Variants in C21orf58 observed in about 807,000 individuals in gnomAD.
C21orf58 encodes the protein chromosome 21 open reading frame 58, also known as uncharacterized protein C21orf58.
C21orf58 carries 34 observed loss-of-function variants against 35.8 expected under a neutral mutation model. The observed-to-expected ratio is 0.95, with a 90% CI of 0.72 to 1.26. The LOEUF is 1.26. Among genes scored for constraint, C21orf58 ranks in the 50% most tolerant of loss-of-function variants. C21orf58 has a pLI of 0.00. For missense variants in C21orf58, 440 were observed against 414.3 expected, an observed-to-expected ratio of 1.06 and a Z score of -0.54; for synonymous variants, 191 against 175.8, an observed-to-expected ratio of 1.09 and a Z score of -0.68.
At chr21:46,318,457 C>T in intron 1 of C21orf58, 2 of 1,405,434 alleles carry the variant, frequency 1.4e-6, no homozygotes, top group Non-Finnish European at 1.8e-6. Flanking sequence ...GGCAGAGGGG[C>T]AGAACCCTCA....
At chr21:46,300,807 G>T, downstream of C21orf58, 1 of 1,285,912 alleles carries the variant, frequency 7.8e-7, no homozygotes, top group Non-Finnish European at 1.0e-6. Context: ...AATAGGGGGT[G>T]AATGAAAGTT....
chr21:46,318,546 G>C (rs1269675634), intron 1 of C21orf58: 6 of 1,241,474 alleles, frequency 4.8e-6, no homozygotes, highest in East Asian at 4.2e-5. Context: ...GTGTGTCAGG[G>C]GAGGGCGCCC....
chr21:46,303,024 C>T (rs764152473), intron 6 of C21orf58, among the ~76,000 whole-genome samples: 22 of 152,062 alleles, frequency 1.4e-4, no homozygotes, highest in Non-Finnish European at 2.8e-4. Context: ...ATTAGCCAGG[C>T]GTGGTGGTTC....
rs1384152614 is a variant in C21orf58, at chr21:46,323,427, A to C, written c.-689T>G. ...TTTTGAGACCTAAGACATCAGTGAG[A>C]CACACGAGCAGACACGGGCTCGGTC... On this transcript the variant is annotated 5_prime_UTR_variant, in exon 1 of 8. Coordinates refer to ENST00000291691, the MANE Select transcript of C21orf58 (RefSeq NM_058180.5). 6.6e-6 allele frequency: 1 copy of C among 152,110 alleles called. No homozygotes were observed. The allele number at this position is 152,110 out of a possible 1,614,324, so 9.4% of individuals were successfully genotyped here. A position where few individuals can be genotyped will look rare whatever the true frequency, so the allele number is the denominator to read the frequency against.
At chr21:46,310,804 T>A (rs73373833) in intron 6 of C21orf58, among the ~76,000 whole-genome samples, 3,046 of 149,964 alleles carry the variant, frequency 0.02, 112 homozygotes, top group African/African-American at 0.07. Context: ...AGTAAGACAC[T>A]CTCTCTCTCT....
chr21:46,315,141 T>A, intron 4 of C21orf58: 4 of 917,400 alleles, frequency 4.4e-6, no homozygotes, highest in Non-Finnish European at 6.4e-6. Context: ...GTTCCAGGCC[T>A]ACTTTTTTCT....
Position 46,301,979 on chromosome 21 carries a change from A to G in C21orf58, c.*20T>C. ...CCTGGGGGTGGAGGGTGCCCCGGCC[A>G]GGGTCTCTGTGACTCACACTCAGGG... On this transcript the variant is annotated 3_prime_UTR_variant, in exon 8 of 8. Transcript: ENST00000291691. The G allele has an allele frequency of 6.6e-7, 1 of 1,503,814 alleles. No homozygotes were observed. The allele number at this position is 1,503,814 out of a possible 1,614,324, so 93.2% of individuals were successfully genotyped here.
rs145633601 is a variant in C21orf58 at position 46,308,194 on chromosome 21, G to A, written c.721+3262C>T. On this transcript the variant is annotated intron_variant, in intron 6 of 7. Coordinates refer to ENST00000291691, the MANE Select transcript of C21orf58 (RefSeq NM_058180.5). Reference sequence around the variant, plus strand: ...TAAGAAACTGCTGCCCAGGCGCGGTGGCTCACGCCCATAATCCCAGCACTT... The same window carrying A: ...TAAGAAACTGCTGCCCAGGCGCGGTAGCTCACGCCCATAATCCCAGCACTT... 9.6e-4 allele frequency among the ~76,000 whole-genome samples: 146 copies of A among 152,226 alleles called. 4 individuals are homozygous for A. In the East Asian group the frequency reaches 0.024, roughly 25 times the overall value.
At chr21:46,313,613 C>G (rs896114367) in intron 5 of C21orf58, among the ~76,000 whole-genome samples, 2 of 152,188 alleles carry the variant, frequency 1.3e-5, no homozygotes, top group African/African-American at 4.8e-5. Flanking sequence ...GGGGGGTCCA[C>G]AGCAATGACC....
chr21:46,316,483 G>A (rs927877125), intron 3 of C21orf58, among the ~76,000 whole-genome samples: 14 of 152,280 alleles, frequency 9.2e-5, no homozygotes, highest in Admixed American at 3.3e-4. Flanking sequence ...TACATTCCTT[G>A]GGGGAGGGTC....
chr21:46,308,353 C>T (rs1169160267), intron 6 of C21orf58, among the ~76,000 whole-genome samples: 1 of 151,588 alleles, frequency 6.6e-6, no homozygotes, highest in South Asian at 2.1e-4. Flanking sequence ...CCCAGCTGCT[C>T]GGGAGGCTGA....
chr21:46,322,298 AG>A, intron 1 of C21orf58: 1 of 278,130 alleles, frequency 3.6e-6, no homozygotes, highest in Non-Finnish European at 5.5e-6. Context: ...AAAAAAGAAA[AG>A]AAAAAAGAAC....
chr21:46,300,634 C>T, downstream of C21orf58: 1 of 1,227,634 alleles, frequency 8.1e-7, no homozygotes, highest in African/African-American at 1.6e-5. Context: ...GGTGTTCACA[C>T]CTGCCCGTCC....
At chr21:46,301,097 TA>T, downstream of C21orf58, 1 of 1,010,434 alleles carries the variant, frequency 9.9e-7, no homozygotes, top group Non-Finnish European at 1.2e-6. Context: ...TTTTTTTTTT[TA>T]TTAACTCAAA....
chr21:46,318,734 G>A, intron 1 of C21orf58: 1 of 1,001,078 alleles, frequency 1.0e-6, no homozygotes, highest in Non-Finnish European at 1.2e-6. Flanking sequence ...GACCTGCAGA[G>A]GGGCTGGGCT....
chr21:46,314,579 C>T, intron 5 of C21orf58, 137 bp downstream of exon 5: 1 of 683,998 alleles, frequency 1.5e-6, no homozygotes, highest in Non-Finnish European at 2.4e-6. Context: ...AGCTGGCCCC[C>T]TTCAAGGGTG....
At chr21:46,304,028 T>G (rs1367570935) in intron 6 of C21orf58, among the ~76,000 whole-genome samples, 16 of 110,018 alleles carry the variant, frequency 1.5e-4, no homozygotes, top group Non-Finnish European at 2.1e-4. Context: ...TGGTTTTTTT[T>G]TTTTTTTTTT....
At chr21:46,315,599 G>C (rs1452365401) in intron 3 of C21orf58, 52 bp from the exon 4 acceptor site, 14 of 1,207,674 alleles carry the variant, frequency 1.2e-5, no homozygotes, top group Non-Finnish European at 1.7e-5. Context: ...GGCTGTCGCT[G>C]CAAGCACTCG....
Position 46,311,430 on chromosome 21 carries a change from C to T in C21orf58, c.721+26G>A, listed in dbSNP as rs752328553. On this transcript the variant is annotated intron_variant, in intron 6 of 7. Transcript: ENST00000291691. ...TTCAGTAGATAATTTCCTCAACCCA[C>T]AACAATATGAATATGGAACACTTAC... The T allele has an allele frequency of 3.6e-6, 5 of 1,402,468 alleles. No homozygotes were observed. The Admixed American group carries it at 5.9e-5, about 17-fold the overall frequency. The allele number at this position is 1,402,468 out of a possible 1,614,324, so 86.9% of individuals were successfully genotyped here.
Sources: allele counts gnomAD v4.1 joint callset (sites outside exome capture counted in the v4.1 genomes callset), GRCh38; gene constraint gnomAD v4.1.1; transcripts MANE v1.5; gene names NCBI Gene and HGNC (gene_info 2026-07-23, HGNC 2026-07-21).